The following RBFOX1 variants were observed in gnomAD, a reference collection of about 807,000 sequenced individuals.
RBFOX1 encodes the protein RNA binding fox-1 homolog 1.
RBFOX1 carries 8 observed loss-of-function variants against 57.7 expected under a neutral mutation model. That is an observed-to-expected ratio of 0.14 (90% CI 0.08 to 0.25). RBFOX1 has a LOEUF of 0.25. RBFOX1 is among the 10% of genes least tolerant of loss of function. The probability of loss-of-function intolerance (pLI) is 1.00; values close to 1 mark genes in which losing one functional copy is unlikely to be tolerated. For synonymous variants in RBFOX1, 326 were observed against 222.4 expected, an observed-to-expected ratio of 1.47 and a Z score of -4.15; for missense variants, 611 against 548.5, an observed-to-expected ratio of 1.11 and a Z score of -1.14.
At chr16:5,681,593 A>C (rs1037817272) in intron 3 of RBFOX1, among the ~76,000 whole-genome samples, 1 of 150,356 alleles carries the variant, frequency 6.7e-6, no homozygotes, top group Non-Finnish European at 1.5e-5. Context: ...GACTTTCTCC[A>C]TGTTGGTCAG....
At chr16:6,861,708 A>C (rs2059031836) in intron 3 of RBFOX1, among the ~76,000 whole-genome samples, 1 of 151,882 alleles carries the variant, frequency 6.6e-6, no homozygotes, top group South Asian at 2.1e-4. Flanking sequence ...TCGTTTTGGA[A>C]GGCCCGGAAG....
At chr16:6,344,212 G>A (rs1243948812) in intron 2 of RBFOX1, among the ~76,000 whole-genome samples, 2 of 151,334 alleles carry the variant, frequency 1.3e-5, no homozygotes, top group African/African-American at 4.9e-5. Flanking sequence ...TGCCACACCC[G>A]GCTAATTTTT....
intron 4 of RBFOX1, among the ~76,000 whole-genome samples, chr16:7,484,014 C>T (rs1371629120): frequency 6.6e-6 from 1 of 152,204 alleles, no homozygotes; most frequent in Non-Finnish European, 1.5e-5. Context: ...CCCCCATTCC[C>T]TAACCCCTGG....
chr16:6,652,639 T>C (rs1234528805), intron 2 of RBFOX1, among the ~76,000 whole-genome samples: 1 of 152,124 alleles, frequency 6.6e-6, no homozygotes, highest in Non-Finnish European at 1.5e-5. Flanking sequence ...ACTTCAGTCG[T>C]TGAAGTCACC....
chr16:6,495,234 G>A (rs1238060716), intron 2 of RBFOX1, among the ~76,000 whole-genome samples: 3 of 152,038 alleles, frequency 2.0e-5, no homozygotes, highest in African/African-American at 4.8e-5. Flanking sequence ...TTCTTTTGCC[G>A]CAGCCTCCTG....
chr16:6,153,041 T>C (rs2096810040), intron 1 of RBFOX1, among the ~76,000 whole-genome samples: 1 of 151,154 alleles, frequency 6.6e-6, no homozygotes, highest in African/African-American at 2.4e-5. Context: ...CTGTTTTTTT[T>C]TTTTTTTTGT....
At chr16:6,636,199 C>G (rs1353705392) in intron 2 of RBFOX1, among the ~76,000 whole-genome samples, 1 of 152,108 alleles carries the variant, frequency 6.6e-6, no homozygotes, top group Non-Finnish European at 1.5e-5. Context: ...GAGATGGAGT[C>G]TCGCTCTGTC....
chr16:6,079,892 AAAT>A (rs1338149970), intron 1 of RBFOX1, among the ~76,000 whole-genome samples: 1 of 152,174 alleles, frequency 6.6e-6, no homozygotes, highest in Non-Finnish European at 1.5e-5. Flanking sequence ...TTCCAATACA[AAAT>A]AATAAGTGTC....
intron 2 of RBFOX1, among the ~76,000 whole-genome samples, chr16:6,638,528 T>G (rs998792966): frequency 2.0e-5 from 3 of 152,194 alleles, no homozygotes; most frequent in African/African-American, 7.2e-5. Flanking sequence ...ACTACCATGT[T>G]GTCAAACTTA....
chr16:6,891,465 T>TAGAGAGAGAG (rs746798605), intron 3 of RBFOX1, among the ~76,000 whole-genome samples: 2 of 148,452 alleles, frequency 1.3e-5, no homozygotes, highest in African/African-American at 4.9e-5. Flanking sequence ...ACACACACAC[T>TAGAGAGAGAG]AGAGAGAGAG....
At chr16:6,265,332 G>A (rs1242088158) in intron 1 of RBFOX1, among the ~76,000 whole-genome samples, 5 of 152,004 alleles carry the variant, frequency 3.3e-5, no homozygotes, top group African/African-American at 1.2e-4. Context: ...TGCAGTCTCG[G>A]CTCACTACAA....
At chr16:6,205,402 A>G (rs192474236) in intron 1 of RBFOX1, among the ~76,000 whole-genome samples, 1 of 152,364 alleles carries the variant, frequency 6.6e-6, no homozygotes, top group Admixed American at 6.5e-5. Context: ...GGTTGTCGTG[A>G]CAAAGTAATT....
At chr16:7,031,769 C>T (rs897151331) in intron 3 of RBFOX1, among the ~76,000 whole-genome samples, 2 of 152,130 alleles carry the variant, frequency 1.3e-5, no homozygotes, top group Admixed American at 1.3e-4. Context: ...GTGTTTTACC[C>T]ACTGCAGAGA....
intron 4 of RBFOX1, among the ~76,000 whole-genome samples, chr16:7,160,396 T>C (rs2078061002): frequency 1.3e-5 from 2 of 152,114 alleles, no homozygotes. Context: ...TCTGTACTTT[T>C]CATCTTCTTC....
chr16:6,054,249 T>G (rs1017285954), intron 1 of RBFOX1, among the ~76,000 whole-genome samples: 6 of 152,090 alleles, frequency 3.9e-5, no homozygotes, highest in South Asian at 2.1e-4. Flanking sequence ...TATGTTTTTT[T>G]GGGGAGGCAG....
intron 3 of RBFOX1, among the ~76,000 whole-genome samples, chr16:6,871,686 T>C (rs116528323): frequency 6.6e-6 from 1 of 152,118 alleles, no homozygotes; most frequent in Non-Finnish European, 1.5e-5. Flanking sequence ...TCCACTCTTG[T>C]CCCCATTAAT....
intron 4 of RBFOX1, among the ~76,000 whole-genome samples, chr16:7,100,310 A>G (rs2062456246): frequency 6.6e-6 from 1 of 152,206 alleles, no homozygotes; most frequent in African/African-American, 2.4e-5. Context: ...CTTTCTGAAA[A>G]TAAAAGTCAT....
chr16:7,044,199 G>C (rs1280593027), intron 3 of RBFOX1, among the ~76,000 whole-genome samples: 1 of 152,166 alleles, frequency 6.6e-6, no homozygotes, highest in Non-Finnish European at 1.5e-5. Flanking sequence ...GGGTGTGTAT[G>C]TGTGTGAGTA....
chr16:6,903,129 C>G (rs1312072619), intron 3 of RBFOX1, among the ~76,000 whole-genome samples: 1 of 152,168 alleles, frequency 6.6e-6, no homozygotes, highest in Admixed American at 6.5e-5. Flanking sequence ...CTGAAGCCAT[C>G]ATAAGTGACT....
Sources: gnomAD v4.1 joint callset for allele counts (sites outside exome capture counted in the v4.1 genomes callset) on GRCh38, gnomAD v4.1.1 for gene constraint, MANE v1.5 for transcripts, NCBI Gene and HGNC (gene_info 2026-07-23, HGNC 2026-07-21) for gene names.